Variants in SIMC1 observed in about 807,000 individuals in gnomAD.
SIMC1 encodes SUMO-interacting motif-containing protein 1.
A neutral mutation model predicts 82.3 loss-of-function variants in SIMC1; 55 were observed. The ratio of observed to expected loss-of-function variants is 0.67; its 90% confidence interval spans 0.54 to 0.84. The LOEUF is 0.84. Among genes scored for constraint, SIMC1 ranks in the 40% least tolerant of loss-of-function variants. SIMC1 has a pLI of 0.00. For synonymous variants in SIMC1, 353 were observed against 426.3 expected (o/e 0.83, Z 2.12); for missense variants, 915 against 1,107.2 (o/e 0.83, Z 2.46).
At chr5:176,331,981 C>G (rs1364167479) in intron 7 of SIMC1, among the ~76,000 whole-genome samples, 3 of 151,382 alleles carry the variant, frequency 2.0e-5, no homozygotes, top group African/African-American at 7.3e-5. Context: ...AAAAAACAAA[C>G]AAACACAAAC....
intron 1 of SIMC1, among the ~76,000 whole-genome samples, chr5:176,272,795 C>G (rs1237461460): frequency 6.6e-6 from 1 of 152,222 alleles, no homozygotes; most frequent in Non-Finnish European, 1.5e-5. Flanking sequence ...ATATCCTGCG[C>G]CTAGCTTGGA....
intron 4 of SIMC1, among the ~76,000 whole-genome samples, chr5:176,301,241 A>G (rs1474859148): frequency 6.6e-6 from 1 of 152,110 alleles, no homozygotes; most frequent in African/African-American, 2.4e-5. Context: ...TGTTCTCATA[A>G]TAGTGAATAA....
At chr5:176,256,683 G>T (rs1761859763) in intron 1 of SIMC1, among the ~76,000 whole-genome samples, 1 of 152,060 alleles carries the variant, frequency 6.6e-6, no homozygotes. Flanking sequence ...CCACATATTA[G>T]ATTATAAAAT....
At chr5:176,252,223 C>T (rs935656184) in intron 1 of SIMC1, among the ~76,000 whole-genome samples, 3 of 151,134 alleles carry the variant, frequency 2.0e-5, no homozygotes, top group African/African-American at 4.9e-5. Context: ...GACCGCCCCC[C>T]CCACCTCCCT....
chr5:176,248,559 T>C (rs147262895), intron 1 of SIMC1, among the ~76,000 whole-genome samples: 22,004 of 152,010 alleles, frequency 0.14, 1,658 homozygotes, highest in Middle Eastern at 0.21. Flanking sequence ...CAAACAGAGA[T>C]AGTTTGACTT....
chr5:176,257,995 T>G (rs1301499341), intron 1 of SIMC1, among the ~76,000 whole-genome samples: 1 of 152,204 alleles, frequency 6.6e-6, no homozygotes, highest in African/African-American at 2.4e-5. Context: ...ACCACTACGT[T>G]AGTTTTATAA....
chr5:176,325,563 G>A (rs1013442869), intron 7 of SIMC1, among the ~76,000 whole-genome samples: 6 of 151,306 alleles, frequency 4.0e-5, no homozygotes, highest in African/African-American at 9.7e-5. Context: ...GTAGGCGCCT[G>A]TAGTCCCAGC....
At chr5:176,250,738 T>C (rs1761622408) in intron 1 of SIMC1, among the ~76,000 whole-genome samples, 1 of 152,218 alleles carries the variant, frequency 6.6e-6, no homozygotes, top group Non-Finnish European at 1.5e-5. Context: ...TCTATTTTGA[T>C]CTTTGTTGGT....
chr5:176,283,318 C>G (rs1763101721), intron 1 of SIMC1, among the ~76,000 whole-genome samples: 1 of 152,222 alleles, frequency 6.6e-6, no homozygotes, highest in Admixed American at 6.5e-5. Context: ...AGACTAACAG[C>G]TAATCTCTTG....
At chr5:176,296,228 A>G in intron 3 of SIMC1, 23 bp from the exon 4 acceptor site, 1 of 1,603,678 alleles carries the variant, frequency 6.2e-7, no homozygotes, top group Non-Finnish European at 8.5e-7. Flanking sequence ...CCATAATTCT[A>G]ATTGATTTCA....
chr5:176,336,363 G>A (rs964401593), intron 7 of SIMC1, among the ~76,000 whole-genome samples: 1 of 152,114 alleles, frequency 6.6e-6, no homozygotes, highest in Non-Finnish European at 1.5e-5. Context: ...TTTGAGAGTG[G>A]TTCCTTTTAT....
intron 4 of SIMC1, among the ~76,000 whole-genome samples, chr5:176,297,395 G>A (rs574479297): frequency 1.3e-5 from 2 of 151,774 alleles, no homozygotes; most frequent in Admixed American, 6.6e-5. Context: ...CCAGCTACTC[G>A]GAAGGCTGAG....
chr5:176,253,494 A>G (rs571352050), intron 1 of SIMC1, among the ~76,000 whole-genome samples: 1 of 152,240 alleles, frequency 6.6e-6, no homozygotes, highest in Admixed American at 6.5e-5. Flanking sequence ...GATTACAGGC[A>G]TGAGCCACTG....
chr5:176,330,954 A>T (rs1002204471), intron 7 of SIMC1, among the ~76,000 whole-genome samples: 3 of 152,186 alleles, frequency 2.0e-5, no homozygotes, highest in East Asian at 1.9e-4. Flanking sequence ...GGACAAATTG[A>T]TGTCATGTGC....
At chr5:176,306,589 G>A (rs1401330838) in intron 4 of SIMC1, among the ~76,000 whole-genome samples, 2 of 151,338 alleles carry the variant, frequency 1.3e-5, no homozygotes, top group Admixed American at 1.3e-4. Context: ...TCTGCCTTGG[G>A]ATCCTGTTGA....
intron 2 of SIMC1, among the ~76,000 whole-genome samples, chr5:176,291,582 C>T (rs1277663523): frequency 2.6e-5 from 4 of 151,942 alleles, no homozygotes; most frequent in Non-Finnish European, 4.4e-5. Flanking sequence ...GTGATCCACC[C>T]GCCTCGGCCT....
At chr5:176,267,739 T>TG (rs1762255156) in intron 1 of SIMC1, among the ~76,000 whole-genome samples, 1 of 87,762 alleles carries the variant, frequency 1.1e-5, no homozygotes, top group Non-Finnish European at 2.3e-5. Flanking sequence ...TTCTGTTTTT[T>TG]TTTTTTTTTT....
chr5:176,279,321 C>A (rs933512409), intron 1 of SIMC1, among the ~76,000 whole-genome samples: 3 of 152,138 alleles, frequency 2.0e-5, no homozygotes, highest in Admixed American at 1.3e-4. Flanking sequence ...GTGGTGATAT[C>A]CCCTTTATCA....
At chr5:176,246,407 GGTGTGTGTGTGTGTGTGTGTGTGTGT>G (rs57262987) in intron 1 of SIMC1, among the ~76,000 whole-genome samples, 1 of 136,972 alleles carries the variant, frequency 7.3e-6, no homozygotes, top group Non-Finnish European at 1.6e-5. Context: ...ATAGTTCAGG[GGTGTGTGTGTGTGTGTGTGTGTGTGT>G]GTGTGTGTGT....
Sources: allele counts gnomAD v4.1 joint callset (sites outside exome capture counted in the v4.1 genomes callset), GRCh38; gene constraint gnomAD v4.1.1; transcripts MANE v1.5; gene names NCBI Gene and HGNC (gene_info 2026-07-23, HGNC 2026-07-21).